The following TSNARE1 variants were observed in gnomAD, a reference collection of about 807,000 sequenced individuals.
The protein encoded by TSNARE1 is t-SNARE domain-containing protein 1.
TSNARE1 carries 49 observed loss-of-function variants against 62.0 expected under a neutral mutation model. The observed-to-expected ratio is 0.79, with a 90% CI of 0.63 to 1.00. TSNARE1 has a LOEUF of 1.00. Ranked by LOEUF, TSNARE1 falls within the 50% of genes least tolerant of loss-of-function variation. The probability of loss-of-function intolerance (pLI) is 0.00; values close to 1 mark genes in which losing one functional copy is unlikely to be tolerated. For missense variants in TSNARE1, 755 were observed against 700.1 expected, an observed-to-expected ratio of 1.08 and a Z score of -0.88; for synonymous variants, 328 against 294.4, an observed-to-expected ratio of 1.11 and a Z score of -1.17.
rs938520465 is a variant in TSNARE1 at position 142,270,495 on chromosome 8, T to C, written c.1446+4286A>G. 14 of 900,040 alleles carry C rather than the reference T, an allele frequency of 1.6e-5. No individual in the cohort carries two copies. The Admixed American group carries it at 4.2e-4, about 27-fold the overall frequency. The allele number at this position is 900,040 out of a possible 1,614,324, so 55.8% of individuals were successfully genotyped here. On this transcript the variant is annotated intron_variant, in intron 12 of 13. Transcript: ENST00000524325. ...TAATATATAGGCATATATATATATA[T>C]ATATATATTTATGTATTTATAACAG... is the stretch of plus-strand genomic sequence containing the variant.
intron 9 of TSNARE1, among the ~76,000 whole-genome samples, chr8:142,307,635 C>T (rs1157294368): frequency 6.6e-6 from 1 of 152,204 alleles, no homozygotes; most frequent in Non-Finnish European, 1.5e-5. Context: ...AAGAGGCTGT[C>T]CATGTTCAGA....
chr8:142,222,121 T>TTTACTCACTCATCCACTCATTCAC (rs1554623967), intron 13 of TSNARE1, among the ~76,000 whole-genome samples: 48,494 of 102,676 alleles, frequency 0.47, 14,476 homozygotes, highest in East Asian at 0.61. Flanking sequence ...CATCCACTCA[T>TTTACTCACTCATCCACTCATTCAC]TCACTCACTC....
chr8:142,275,717 G>A (rs1820363234), intron 11 of TSNARE1: 3 of 985,348 alleles, frequency 3.0e-6, no homozygotes, highest in African/African-American at 1.7e-5. Context: ...AGCTTGGGAG[G>A]CAGGAGTATC....
intron 1 of TSNARE1, among the ~76,000 whole-genome samples, chr8:142,400,733 T>G (rs1838229460): frequency 6.6e-6 from 1 of 152,146 alleles, no homozygotes; most frequent in Non-Finnish European, 1.5e-5. Context: ...CTCAGAGGGA[T>G]AAAACGCCCA....
chr8:142,344,864 G>A (rs984262795), intron 3 of TSNARE1, among the ~76,000 whole-genome samples: 14 of 152,324 alleles, frequency 9.2e-5, no homozygotes, highest in African/African-American at 3.4e-4. Flanking sequence ...CCTCGCCTGG[G>A]GACAGCCTTG....
At chr8:142,310,405 CA>C (rs2131527536) in intron 9 of TSNARE1, among the ~76,000 whole-genome samples, 1 of 152,278 alleles carries the variant, frequency 6.6e-6, no homozygotes, top group South Asian at 2.1e-4. Context: ...ATCACCGTTC[CA>C]CCGTCGACGT....
intron 6 of TSNARE1, among the ~76,000 whole-genome samples, chr8:142,330,334 C>T (rs893889831): frequency 1.3e-5 from 2 of 152,212 alleles, no homozygotes; most frequent in African/African-American, 4.8e-5. Flanking sequence ...AGACAGCACC[C>T]GAGGCACCTC....
intron 4 of TSNARE1, among the ~76,000 whole-genome samples, chr8:142,335,910 C>T (rs919764950): frequency 6.6e-6 from 1 of 152,206 alleles, no homozygotes; most frequent in Non-Finnish European, 1.5e-5. Flanking sequence ...GGCCTTTCAT[C>T]ATTACCAAAA....
intron 4 of TSNARE1, among the ~76,000 whole-genome samples, chr8:142,341,111 C>T (rs1832528340): frequency 6.6e-6 from 1 of 152,252 alleles, no homozygotes; most frequent in Non-Finnish European, 1.5e-5. Flanking sequence ...GACCCCTCCC[C>T]TGTCCCCCGA....
At chr8:142,303,392 C>T (rs888987006) in intron 9 of TSNARE1, among the ~76,000 whole-genome samples, 1 of 152,220 alleles carries the variant, frequency 6.6e-6, no homozygotes, top group Admixed American at 6.5e-5. Context: ...GCCCAGGGCC[C>T]AGCGAGGTGC....
intron 1 of TSNARE1, among the ~76,000 whole-genome samples, chr8:142,381,472 C>CA (rs1836741671): frequency 6.6e-6 from 1 of 152,082 alleles, no homozygotes; most frequent in Non-Finnish European, 1.5e-5. Flanking sequence ...ATCAGCGCCC[C>CA]CCCCCACCCC....
intron 12 of TSNARE1, chr8:142,270,951 C>G (rs1819473390): frequency 3.0e-6 from 3 of 985,446 alleles, no homozygotes; most frequent in Non-Finnish European, 3.6e-6. Flanking sequence ...TCTCATCCTT[C>G]CGGTCTCCTG....
Position 142,274,770 on chromosome 8 carries a change from C to A in TSNARE1, c.1446+11G>T. 6 of 1,547,994 alleles carry A rather than the reference C, an allele frequency of 3.9e-6. No individual in the cohort carries two copies. The highest frequency in any genetic ancestry group is 4.4e-6 in the Non-Finnish European group (5 of 1,147,286). ...GGCCGGCCGGGCACTGTGGCCCTCACACGGACTTACTTGGTGCCGGCTGGC... is the reference window on the plus strand; with the variant it reads ...GGCCGGCCGGGCACTGTGGCCCTCAAACGGACTTACTTGGTGCCGGCTGGC... On this transcript the variant is annotated intron_variant, in intron 12 of 13. Transcript: ENST00000524325.
chr8:142,277,537 G>A (rs1820705310), intron 11 of TSNARE1: 1 of 985,330 alleles, frequency 1.0e-6, no homozygotes, highest in South Asian at 4.7e-5. Context: ...CAGCTGGGAT[G>A]CCCCCACCCT....
chr8:142,241,791 G>A (rs1439567288), intron 12 of TSNARE1, among the ~76,000 whole-genome samples: 5 of 151,732 alleles, frequency 3.3e-5, no homozygotes, highest in East Asian at 1.9e-4. Context: ...TGGGAAAACC[G>A]GGTATCTACA....
chr8:142,298,465 C>G (rs1282112211), intron 10 of TSNARE1, among the ~76,000 whole-genome samples: 1 of 152,134 alleles, frequency 6.6e-6, no homozygotes, highest in Admixed American at 6.5e-5. Flanking sequence ...CAGGCCAGGA[C>G]AGTGAGAAGC....
chr8:142,308,554 G>A (rs532777934), intron 9 of TSNARE1, among the ~76,000 whole-genome samples: 6 of 152,152 alleles, frequency 3.9e-5, no homozygotes, highest in Non-Finnish European at 5.9e-5. Flanking sequence ...TGTCCCATGC[G>A]TTGGTGTGTC....
intron 9 of TSNARE1, among the ~76,000 whole-genome samples, chr8:142,309,617 G>A (rs1302368263): frequency 1.3e-5 from 2 of 152,156 alleles, no homozygotes; most frequent in Non-Finnish European, 2.9e-5. Context: ...ACTTTATAAT[G>A]ATGGATCATC....
chr8:142,398,022 G>A lies in TSNARE1; in HGVS notation c.-40+5082C>T, dbSNP rs138538427. ...GCCCAGGCCTCACCCTGCCTCCCAA[G>A]ACCCTCACAGGCTGACCCGAGTCAG... On this transcript the variant is annotated intron_variant, in intron 1 of 13. Transcript: ENST00000524325. Among the ~76,000 whole-genome samples the A allele has an allele frequency of 4.3e-4, 66 of 152,186 alleles. 1 individual carries two copies. The East Asian group carries it at 0.012, about 27-fold the overall frequency.
Sources: gnomAD v4.1 joint callset for allele counts (sites outside exome capture counted in the v4.1 genomes callset) on GRCh38, gnomAD v4.1.1 for gene constraint, MANE v1.5 for transcripts, NCBI Gene and HGNC (gene_info 2026-07-23, HGNC 2026-07-21) for gene names.